CAMKMT: variants seen among roughly 807,000 people sequenced by gnomAD.
The protein encoded by CAMKMT is calmodulin-lysine N-methyltransferase.
In CAMKMT, 53 loss-of-function variants were observed where a neutral mutation model predicts 48.0. That is an observed-to-expected ratio of 1.10 (90% confidence interval 0.89 to 1.39). The LOEUF (loss-of-function observed/expected upper bound fraction) is 1.39. Ranked by LOEUF, CAMKMT falls within the 40% of genes most tolerant of loss-of-function variation. The pLI is 0.00. For missense variants in CAMKMT, 428 were observed against 402.7 expected, an observed-to-expected ratio of 1.06 and a Z score of -0.54; for synonymous variants, 165 against 152.3, an observed-to-expected ratio of 1.08 and a Z score of -0.61.
At chr2:44,767,933 A>C (rs1680914664) in intron 10 of CAMKMT, among the ~76,000 whole-genome samples, 2 of 152,290 alleles carry the variant, frequency 1.3e-5, no homozygotes, top group Admixed American at 6.5e-5. Flanking sequence ...TCCCAGTGAC[A>C]GCTCAGGAGA....
intron 7 of CAMKMT, among the ~76,000 whole-genome samples, chr2:44,723,191 A>G (rs1678566867): frequency 6.6e-6 from 1 of 152,178 alleles, no homozygotes; most frequent in Non-Finnish European, 1.5e-5. Context: ...GCATTCTAAC[A>G]GGTAACTCTG....
rs1667615173 is a variant in CAMKMT, at chr2:44,549,916, G to A, written c.377-154367G>A. 3.9e-5 allele frequency: 11 copies of A among 278,512 alleles called. No individual in the cohort carries two copies. In the South Asian group the frequency reaches 1.4e-3, roughly 36 times the overall value. The allele number at this position is 278,512 out of a possible 1,614,324, so 17.3% of individuals were successfully genotyped here. On this transcript the variant is annotated intron_variant, in intron 3 of 10. Coordinates refer to ENST00000378494, the MANE Select transcript of CAMKMT (RefSeq NM_024766.5). ...TTTATCCATCCTTCCGTCATTCAGT[G>A]TAGAGTTCTAGGATTTTTGAAATAG...
intron 3 of CAMKMT, among the ~76,000 whole-genome samples, chr2:44,638,136 T>A (rs962297283): frequency 1.3e-5 from 2 of 151,936 alleles, no homozygotes; most frequent in Non-Finnish European, 2.9e-5. Context: ...TACATGAATA[T>A]TTATGTTTTG....
Position 44,411,024 on chromosome 2 carries a change from G to A in CAMKMT, c.376+20719G>A, listed in dbSNP as rs187432960. 6.3e-3 allele frequency among the ~76,000 whole-genome samples: 958 copies of A among 152,204 alleles called. 2 individuals are homozygous for A. The highest frequency in any genetic ancestry group is 0.01 in the Non-Finnish European group (690 of 68,002). On this transcript the variant is annotated intron_variant, in intron 3 of 10. Transcript: ENST00000378494. ...CTTAATAAAGGAAATGTAATCTTTT[G>A]AATACCCATCTTGAGTGTTATCAGA...
chr2:44,695,249 G>A (rs1393032031), intron 3 of CAMKMT, among the ~76,000 whole-genome samples: 1 of 152,134 alleles, frequency 6.6e-6, no homozygotes, highest in African/African-American at 2.4e-5. Context: ...GAGGTCTGGT[G>A]TACAGATTAT....
intron 8 of CAMKMT, among the ~76,000 whole-genome samples, chr2:44,750,096 GA>G (rs1370930405): frequency 1.3e-5 from 2 of 152,006 alleles, no homozygotes; most frequent in East Asian, 3.8e-4. Context: ...AAACGTATTT[GA>G]AATGCTGTTA....
At chr2:44,666,433 A>G (rs372262742) in intron 3 of CAMKMT, among the ~76,000 whole-genome samples, 4 of 151,958 alleles carry the variant, frequency 2.6e-5, no homozygotes, top group African/African-American at 9.7e-5. Context: ...TTTGGCCCCC[A>G]GAATGCGATA....
At chr2:44,763,281 G>T (rs1051965134) in intron 9 of CAMKMT, among the ~76,000 whole-genome samples, 1 of 152,164 alleles carries the variant, frequency 6.6e-6, no homozygotes, top group Non-Finnish European at 1.5e-5. Flanking sequence ...TCTCTTTCTC[G>T]TGGGTACAGT....
At chr2:44,549,432 C>T (rs1044406055) in intron 3 of CAMKMT, 1 of 627,194 alleles carries the variant, frequency 1.6e-6, no homozygotes, top group South Asian at 2.0e-5. Context: ...GAACCTCTCT[C>T]ACACAGCAGG....
At chr2:44,566,628 T>C (rs1306690471) in intron 3 of CAMKMT, among the ~76,000 whole-genome samples, 1 of 151,918 alleles carries the variant, frequency 6.6e-6, no homozygotes, top group Non-Finnish European at 1.5e-5. Flanking sequence ...CAAAAAATGA[T>C]GTTGACATCA....
intron 3 of CAMKMT, among the ~76,000 whole-genome samples, chr2:44,556,050 G>T (rs893069585): frequency 1.4e-4 from 22 of 152,092 alleles, no homozygotes; most frequent in Non-Finnish European, 3.1e-4. Flanking sequence ...GGAATGCAGG[G>T]TTATACCTGT....
intron 1 of CAMKMT, among the ~76,000 whole-genome samples, chr2:44,364,251 A>C (rs768492087): frequency 6.6e-6 from 1 of 152,268 alleles, no homozygotes; most frequent in South Asian, 2.1e-4. Flanking sequence ...TGTTACATGA[A>C]GTCCCCACAC....
At chr2:44,714,077 A>T (rs1055308512) in intron 6 of CAMKMT, among the ~76,000 whole-genome samples, 1 of 152,176 alleles carries the variant, frequency 6.6e-6, no homozygotes, top group African/African-American at 2.4e-5. Context: ...AATGAATGGG[A>T]AAGTGAGGGC....
chr2:44,438,280 A>G (rs1558614931), intron 3 of CAMKMT, among the ~76,000 whole-genome samples: 2 of 152,338 alleles, frequency 1.3e-5, no homozygotes, highest in East Asian at 3.9e-4. Context: ...TAAATTCAAT[A>G]TGAGTGAATT....
intron 3 of CAMKMT, among the ~76,000 whole-genome samples, chr2:44,436,242 A>AT (rs987178959): frequency 4.6e-5 from 7 of 151,766 alleles, no homozygotes; most frequent in Admixed American, 6.6e-5. Flanking sequence ...TGCCCAGCAA[A>AT]TTTTTTTGTA....
chr2:44,565,866 A>T (rs185002034), intron 3 of CAMKMT, among the ~76,000 whole-genome samples: 1 of 152,206 alleles, frequency 6.6e-6, no homozygotes, highest in African/African-American at 2.4e-5. Flanking sequence ...TGACTGTTCT[A>T]AAGTTGATGA....
chr2:44,605,239 G>A (rs1250731448), intron 3 of CAMKMT, among the ~76,000 whole-genome samples: 1 of 152,096 alleles, frequency 6.6e-6, no homozygotes, highest in Non-Finnish European at 1.5e-5. Flanking sequence ...ATTATATAGT[G>A]GCACTTATCC....
At chr2:44,637,215 C>T (rs1673183777) in intron 3 of CAMKMT, among the ~76,000 whole-genome samples, 1 of 152,162 alleles carries the variant, frequency 6.6e-6, no homozygotes, top group Admixed American at 6.5e-5. Context: ...TAGTTCAGAA[C>T]ATGTTTGCTT....
chr2:44,527,663 G>A (rs907204620), intron 3 of CAMKMT, among the ~76,000 whole-genome samples: 1 of 151,132 alleles, frequency 6.6e-6, no homozygotes, highest in Admixed American at 6.6e-5. Context: ...GTTCATGAGT[G>A]TTTTACAGTT....
Sources: allele counts gnomAD v4.1 joint callset (sites outside exome capture counted in the v4.1 genomes callset), GRCh38; gene constraint gnomAD v4.1.1; transcripts MANE v1.5; gene names NCBI Gene and HGNC (gene_info 2026-07-23, HGNC 2026-07-21).